The following LMNB1 variants were observed in gnomAD, a reference collection of about 807,000 sequenced individuals.
The protein encoded by LMNB1 is lamin-B1.
Under a neutral mutation model 67.1 loss-of-function variants are expected in LMNB1, and 23 were observed. The ratio of observed to expected loss-of-function variants is 0.34; its 90% CI spans 0.25 to 0.49. The LOEUF (loss-of-function observed/expected upper bound fraction) is 0.49, where lower values mean the gene tolerates loss of function less well. Among genes scored for constraint, LMNB1 ranks in the 20% least tolerant of loss-of-function variants. The pLI, the probability that LMNB1 is intolerant of heterozygous loss-of-function variation, is 0.99. For missense variants in LMNB1, 634 were observed against 746.5 expected (o/e 0.85, Z 1.76); for synonymous variants, 281 against 282.9 (o/e 0.99, Z 0.07).
At chr5:126,833,297 A>G (rs1752176596) in intron 10 of LMNB1, among the ~76,000 whole-genome samples, 1 of 152,196 alleles carries the variant, frequency 6.6e-6, no homozygotes. Context: ...AGAGCCCTTG[A>G]AATAAAGAAA....
chr5:126,821,233 C>G, intron 7 of LMNB1, 98 bp downstream of exon 7: 1 of 741,380 alleles, frequency 1.3e-6, no homozygotes, highest in South Asian at 1.6e-5. Context: ...GGATTCATTA[C>G]GTCTTCATGG....
At chr5:126,789,455 A>C (rs1239926028) in intron 1 of LMNB1, among the ~76,000 whole-genome samples, 2 of 152,110 alleles carry the variant, frequency 1.3e-5, no homozygotes, top group Non-Finnish European at 2.9e-5. Context: ...ATGCAGTGAC[A>C]GCTCGCATAA....
intron 9 of LMNB1, among the ~76,000 whole-genome samples, chr5:126,831,147 G>A (rs974792340): frequency 4.6e-5 from 7 of 152,122 alleles, no homozygotes; most frequent in Non-Finnish European, 7.3e-5. Context: ...TGTGACACTG[G>A]GTTTTGATTT....
At chr5:126,800,982 A>ATATATATAATTTTTTTTTT in intron 1 of LMNB1, among the ~76,000 whole-genome samples, 6 of 18,632 alleles carry the variant, frequency 3.2e-4, no homozygotes, top group Non-Finnish European at 4.2e-4. Flanking sequence ...TATATATATA[A>ATATATATAATTTTTTTTTT]TTTTTTTTTT....
chr5:126,787,547 T>TATATATATATATA (rs869071732), intron 1 of LMNB1, among the ~76,000 whole-genome samples: 10 of 37,482 alleles, frequency 2.7e-4, no homozygotes, highest in African/African-American at 8.2e-4. Context: ...TATATATATA[T>TATATATATATATA]TTTTTTTTTT....
At chr5:126,819,335 T>G in intron 6 of LMNB1, 193 bp downstream of exon 6, 1 of 481,646 alleles carries the variant, frequency 2.1e-6, no homozygotes, top group Non-Finnish European at 3.7e-6. Context: ...TACTCTTAGT[T>G]TATTTATTAT....
intron 1 of LMNB1, among the ~76,000 whole-genome samples, chr5:126,783,834 C>A (rs1202076261): frequency 6.6e-6 from 1 of 151,470 alleles, no homozygotes; most frequent in African/African-American, 2.4e-5. Flanking sequence ...TTTTTTTATG[C>A]CATTAGTGTA....
intron 1 of LMNB1, among the ~76,000 whole-genome samples, chr5:126,787,544 A>ATTTTT (rs1222029249): frequency 2.2e-4 from 17 of 76,286 alleles, no homozygotes; most frequent in East Asian, 3.0e-4. Flanking sequence ...ATATATATAT[A>ATTTTT]TATTTTTTTT....
intron 5 of LMNB1, among the ~76,000 whole-genome samples, chr5:126,818,432 G>C (rs1751766496): frequency 6.6e-6 from 1 of 151,956 alleles, no homozygotes; most frequent in African/African-American, 2.4e-5. Flanking sequence ...AGTAGAGACG[G>C]GGTTTCGCCA....
rs1752255332 is a variant in LMNB1, at chr5:126,836,629, A to T, written c.*365A>T. 2.8e-6 allele frequency: 1 copy of T among 360,528 alleles called. No homozygotes were observed. Among genetic ancestry groups the T allele is most frequent in the Non-Finnish European group, 4.9e-6 (1 of 204,408 alleles). 22.3% of individuals were successfully genotyped at this position (360,528 alleles called of 1,614,324 possible). A position where few individuals can be genotyped will look rare whatever the true frequency, so the allele number is the denominator to read the frequency against. ...CTTGGTGTAATTTGAAGATTGCCCC[A>T]TCTAGACTAGCAATCTCTTCATTAT... On this transcript the variant is annotated 3_prime_UTR_variant, in exon 11 of 11. Transcript: ENST00000261366.
Position 126,825,169 on chromosome 5 carries a change from G to C in LMNB1, c.1492-819G>C, listed in dbSNP as rs1011852540. Among the ~76,000 whole-genome samples, 5 of 152,264 alleles carry C rather than the reference G, an allele frequency of 3.3e-5. No homozygotes were observed. The South Asian group carries it at 1.0e-3, about 32-fold the overall frequency. On this transcript the variant is annotated intron_variant, in intron 8 of 10. Transcript: ENST00000261366. ...GTAGCTAAAGGCATTGAGTTTCCTAGAGGTGTAGTGATTTGTCCAGAATTC... is the reference window on the plus strand; with the variant it reads ...GTAGCTAAAGGCATTGAGTTTCCTACAGGTGTAGTGATTTGTCCAGAATTC...
intron 9 of LMNB1, among the ~76,000 whole-genome samples, chr5:126,831,086 T>G (rs1752119416): frequency 6.6e-6 from 1 of 152,248 alleles, no homozygotes; most frequent in Non-Finnish European, 1.5e-5. Context: ...GCCACCTTAC[T>G]TTATTTACAA....
At chr5:126,789,773 A>G (rs1336108145) in intron 1 of LMNB1, among the ~76,000 whole-genome samples, 1 of 151,888 alleles carries the variant, frequency 6.6e-6, no homozygotes, top group Non-Finnish European at 1.5e-5. Context: ...TTCCAGTTTC[A>G]AGTGATTCTC....
At chr5:126,828,579 CTT>C (rs11372205) in intron 9 of LMNB1, among the ~76,000 whole-genome samples, 67 of 141,798 alleles carry the variant, frequency 4.7e-4, no homozygotes, top group Admixed American at 6.3e-4. Context: ...TTGGTCCATT[CTT>C]TTTTTTTTTT....
At chr5:126,793,234 T>C (rs888919347) in intron 1 of LMNB1, among the ~76,000 whole-genome samples, 1 of 152,192 alleles carries the variant, frequency 6.6e-6, no homozygotes, top group African/African-American at 2.4e-5. Context: ...TGGTTTTTCT[T>C]TTTCTTTTTA....
intron 3 of LMNB1, among the ~76,000 whole-genome samples, chr5:126,808,799 G>A (rs1040373065): frequency 4.1e-4 from 63 of 152,234 alleles, no homozygotes; most frequent in African/African-American, 1.5e-3. Context: ...GAAAATACAT[G>A]CGCTAATATA....
At chr5:126,818,638 T>TTTTTGGC (rs1487336446) in intron 5 of LMNB1, among the ~76,000 whole-genome samples, 2 of 152,248 alleles carry the variant, frequency 1.3e-5, no homozygotes, top group Non-Finnish European at 2.9e-5. Flanking sequence ...AAACCACATC[T>TTTTTGGC]TAACATTTTT....
chr5:126,806,723 C>T (rs1229707097), intron 3 of LMNB1, among the ~76,000 whole-genome samples: 2 of 152,144 alleles, frequency 1.3e-5, no homozygotes, highest in African/African-American at 4.8e-5. Flanking sequence ...TCACTTTGGC[C>T]TTCTCCTATG....
chr5:126,805,482 CTTGAT>C (rs1225943162), intron 2 of LMNB1, 84 bp from the exon 3 acceptor site: 58 of 868,664 alleles, frequency 6.7e-5, no homozygotes, highest in East Asian at 1.0e-4. Context: ...AATTTTAACA[CTTGAT>C]TTGATTTGAT....
Sources: allele counts gnomAD v4.1 joint callset (sites outside exome capture counted in the v4.1 genomes callset), GRCh38; gene constraint gnomAD v4.1.1; transcripts MANE v1.5; gene names NCBI Gene and HGNC (gene_info 2026-07-23, HGNC 2026-07-21).